Variants in DST observed in about 807,000 individuals in gnomAD.
DST encodes the protein bullous pemphigoid antigen.
DST carries 253 observed loss-of-function variants against 875.2 expected under a neutral mutation model. The observed-to-expected ratio is 0.29, with a 90% confidence interval of 0.26 to 0.32. DST has a LOEUF of 0.32. Among genes scored for constraint, DST ranks in the 10% least tolerant of loss-of-function variants. DST has a pLI of 1.00. For synonymous variants in DST, 3,124 were observed against 3,197.1 expected, an observed-to-expected ratio of 0.98 and a Z score of 0.77; for missense variants, 8,287 against 9,111.6, an observed-to-expected ratio of 0.91 and a Z score of 3.68.
chr6:56,916,778 T>TCTCACACA (rs1470233953), intron 2 of DST, among the ~76,000 whole-genome samples: 4,815 of 91,102 alleles, frequency 0.053, 173 homozygotes, highest in Admixed American at 0.084. Flanking sequence ...TCTCTCTCTC[T>TCTCACACA]CACACACACA....
chr6:56,716,983 C>T (rs542773917), intron 5 of DST, among the ~76,000 whole-genome samples: 3 of 152,090 alleles, frequency 2.0e-5, no homozygotes, highest in Admixed American at 2.0e-4. Context: ...AGATCCAGAC[C>T]ATCCTGGCTA....
At chr6:56,625,992 C>CAAAA (rs202184328) in intron 34 of DST, among the ~76,000 whole-genome samples, 13 of 141,852 alleles carry the variant, frequency 9.2e-5, no homozygotes, top group African/African-American at 3.5e-4. Flanking sequence ...AAAAAAAAAC[C>CAAAA]AAAAATTAAA....
At chr6:56,642,222 T>C in intron 16 of DST, 121 bp from the exon 17 acceptor site, 1 of 935,886 alleles carries the variant, frequency 1.1e-6, no homozygotes, top group Non-Finnish European at 1.7e-6. Context: ...TCCTTGTTGG[T>C]TCAAAAATAT....
intron 91 of DST, 120 bp downstream of exon 91, chr6:56,477,225 T>C: frequency 9.1e-7 from 1 of 1,102,756 alleles, no homozygotes. Flanking sequence ...TAAAAGAACG[T>C]TTTCTATGTA....
intron 4 of DST, among the ~76,000 whole-genome samples, chr6:56,750,263 A>G (rs937767948): frequency 1.3e-5 from 2 of 152,172 alleles, no homozygotes; most frequent in Admixed American, 1.3e-4. Flanking sequence ...GAGTTTACCC[A>G]CTAGAGAATA....
chr6:56,861,389 T>C (rs1245462706), intron 3 of DST, among the ~76,000 whole-genome samples: 1 of 152,192 alleles, frequency 6.6e-6, no homozygotes. Flanking sequence ...TGAGCTGGCT[T>C]GGTGGAAAAC....
intron 2 of DST, among the ~76,000 whole-genome samples, chr6:56,949,304 G>A (rs374884965): frequency 1.6e-4 from 24 of 152,250 alleles, no homozygotes; most frequent in Middle Eastern, 6.8e-3. Flanking sequence ...TAAAGTCAGC[G>A]TTAATTATAT....
intron 36 of DST, among the ~76,000 whole-genome samples, chr6:56,622,394 C>T (rs530985389): frequency 6.6e-6 from 1 of 151,870 alleles, no homozygotes; most frequent in Non-Finnish European, 1.5e-5. Context: ...CATGGTGAAA[C>T]CCCGTCTCTA....
At position 56,524,751 on chromosome 6, in the gene DST, A is replaced by G. The variant is rs369531140; in HGVS notation, c.18129+1610T>C. Among the ~76,000 whole-genome samples, 7 of 152,218 alleles carry G rather than the reference A, an allele frequency of 4.6e-5. No individual in the cohort carries two copies. The East Asian group carries it at 7.7e-4, about 17-fold the overall frequency. ...ATCTGTTGGTAGTAAGACTTTTACT[A>G]TATACATTGTCTTTCACTTTCAAAA... On this transcript the variant is annotated intron_variant, in intron 69 of 103. Coordinates refer to ENST00000680361, the MANE Select transcript of DST (RefSeq NM_001374736.1).
chr6:56,574,652 A>C (rs1055884604), intron 50 of DST, among the ~76,000 whole-genome samples: 1 of 152,166 alleles, frequency 6.6e-6, no homozygotes, highest in Admixed American at 6.6e-5. Context: ...TGCTAAAAAA[A>C]AAAACCCTTT....
In DST at chr6:56,552,669, A is replaced by T. The variant is rs1264628854; in HGVS notation, c.16123T>A (p.Ser5375Thr). 1.2e-6 allele frequency: 2 copies of T among 1,613,870 alleles called. No individual in the cohort carries two copies. Among genetic ancestry groups the T allele is most frequent in the South Asian group, 2.2e-5 (2 of 91,078 alleles). Residue 5375 changes from serine (S) to threonine (T), a missense_variant, in exon 61 of 104, where the codon TCT becomes ACT. Coordinates refer to ENST00000680361, the MANE Select transcript of DST (RefSeq NM_001374736.1). ...TLSQQVDEKC[S>T]FLETKLQGIG... Reference sequence around the variant, plus strand: ...CCCTGAAGCTTGGTTTCTAAGAAAGAACACTTTTCATCAACCTGCTGACTT... The same window carrying T: ...CCCTGAAGCTTGGTTTCTAAGAAAGTACACTTTTCATCAACCTGCTGACTT...
intron 4 of DST, among the ~76,000 whole-genome samples, chr6:56,783,039 T>C (rs952507218): frequency 6.6e-6 from 1 of 152,158 alleles, no homozygotes; most frequent in African/African-American, 2.4e-5. Flanking sequence ...CGGTTTTGAG[T>C]GAGTTTCTTA....
chr6:56,587,690 C>T (rs1299570172), intron 49 of DST, among the ~76,000 whole-genome samples: 2 of 152,110 alleles, frequency 1.3e-5, no homozygotes, highest in East Asian at 3.9e-4. Context: ...AAAGGGAAGC[C>T]CATCAGACTA....
intron 2 of DST, among the ~76,000 whole-genome samples, chr6:56,918,798 C>T (rs1231703524): frequency 6.6e-6 from 1 of 152,104 alleles, no homozygotes; most frequent in Admixed American, 6.5e-5. Context: ...GAGACTGAGG[C>T]AGGAGAATTG....
Position 56,511,273 on chromosome 6 carries a change from G to C in DST, c.18704C>G (p.Thr6235Ser). 1 of 1,601,268 alleles carries C rather than the reference G, an allele frequency of 6.2e-7. No homozygotes were observed. Among genetic ancestry groups the C allele is most frequent in the Non-Finnish European group, 8.5e-7 (1 of 1,173,202 alleles). The change falls in exon 73 of 104, where the codon ACC becomes AGC. Residue 6235 changes from threonine (T) to serine (S), a missense_variant. By Grantham distance (58) the Thr-to-Ser change is moderately conservative (BLOSUM62 1). Around this residue, in one of 10 missense-constraint regions of DST, gnomAD observed 1,292 missense variants for 1,552.7 expected, o/e 0.83. Transcript: ENST00000680361. ...SIQEKYVAAD[T>S]LYSQIKEDVK... ...ATCTTCTTTAATTTGACTGTAAAGG[G>C]TGTCGGCTGCCACATACTTCTCTTG...
intron 4 of DST, among the ~76,000 whole-genome samples, chr6:56,783,056 A>G (rs1205108633): frequency 6.6e-6 from 1 of 152,044 alleles, no homozygotes; most frequent in Admixed American, 6.6e-5. Flanking sequence ...CTTAATCCTG[A>G]GTTCTAGTTT....
At chr6:56,610,139 C>T (rs1406872638) in intron 39 of DST, among the ~76,000 whole-genome samples, 5 of 152,120 alleles carry the variant, frequency 3.3e-5, no homozygotes, top group African/African-American at 1.2e-4. Context: ...AAAATACCTA[C>T]TATACTAGAA....
chr6:56,640,050 A>G lies in DST; in HGVS notation c.2498T>C (p.Leu833Pro). 1.2e-6 allele frequency: 2 copies of G among 1,614,138 alleles called. No homozygotes were observed. The highest frequency in any genetic ancestry group is 1.7e-6 in the Non-Finnish European group (2 of 1,179,996). Residue 833 changes from leucine (L) to proline (P), a missense_variant, in exon 19 of 104, where the codon CTG becomes CCG. Transcript: ENST00000680361. ...LNWVDEMQVQ[L>P]DRTEWGSDLP... ...ATCTGAGCCCCACTCAGTGCGGTCC[A>G]GTTGTACCTTCAGACAGTAAAATAC...
intron 47 of DST, 92 bp from the exon 48 acceptor site, chr6:56,594,285 A>G: frequency 9.6e-7 from 1 of 1,036,368 alleles, no homozygotes; most frequent in Non-Finnish European, 1.4e-6. Flanking sequence ...ACAGGTTTCA[A>G]TGATCTACAG....
Sources: allele counts gnomAD v4.1 joint callset (sites outside exome capture counted in the v4.1 genomes callset), GRCh38; gene constraint gnomAD v4.1.1; regional missense constraint gnomAD v4.1.1; transcripts MANE v1.5; gene names NCBI Gene and HGNC (gene_info 2026-07-23, HGNC 2026-07-21).